Variants in EVL observed in about 807,000 individuals in gnomAD.
EVL encodes the protein ena/VASP-like protein.
Under a neutral mutation model 59.6 loss-of-function variants are expected in EVL, and 21 were observed. The ratio of observed to expected loss-of-function variants is 0.35; its 90% CI spans 0.25 to 0.51. The LOEUF (loss-of-function observed/expected upper bound fraction) is 0.51, where lower values mean the gene tolerates loss of function less well. EVL is among the 20% of genes least tolerant of loss of function. EVL has a pLI of 0.97. For missense variants in EVL, 462 were observed against 546.6 expected (o/e 0.85, Z 1.54); for synonymous variants, 198 against 203.5 (o/e 0.97, Z 0.23).
chr14:100,114,932 C>G lies in EVL; in HGVS notation c.359-8607C>G, dbSNP rs968848088. Among the ~76,000 whole-genome samples, 1 of 152,040 alleles carries G rather than the reference C, an allele frequency of 6.6e-6. No homozygotes were observed. The highest frequency in any genetic ancestry group is 2.4e-5 in the African/African-American group (1 of 41,404). ...TGGGAGGCCTGAGCTTCTGTTCCAG[C>G]AGCACCGTTCACTGGAGGCACATGA... On this transcript the variant is annotated intron_variant, in intron 3 of 13. Transcript: ENST00000392920. The surrounding 1 kb of genome is among the most constrained non-coding windows in gnomAD (Gnocchi z 5.0).
chr14:100,131,434 A>G (rs898495709), intron 7 of EVL, among the ~76,000 whole-genome samples: 5 of 152,234 alleles, frequency 3.3e-5, no homozygotes, highest in Non-Finnish European at 5.9e-5. Flanking sequence ...CGACGATGAA[A>G]GTGCCCTTGC....
intron 2 of EVL, among the ~76,000 whole-genome samples, chr14:100,087,571 G>A (rs183644386): frequency 3.1e-4 from 47 of 152,284 alleles, no homozygotes; most frequent in African/African-American, 1.1e-3. Context: ...CCGTGGTCGC[G>A]CCACTGCATT....
At chr14:100,009,851 C>CA (rs1210029243) in intron 1 of EVL, among the ~76,000 whole-genome samples, 1 of 152,158 alleles carries the variant, frequency 6.6e-6, no homozygotes. Context: ...CAACTCAAAG[C>CA]AGGGGCTTCC....
chr14:100,064,994 C>T (rs551857634), upstream of EVL, among the ~76,000 whole-genome samples: 20 of 152,296 alleles, frequency 1.3e-4, 1 homozygote, highest in Middle Eastern at 3.4e-3. Flanking sequence ...GGGACTCTTC[C>T]GAGTTCTTGT....
At chr14:100,049,861 G>T (rs1159721476) in intron 1 of EVL, among the ~76,000 whole-genome samples, 1 of 152,046 alleles carries the variant, frequency 6.6e-6, no homozygotes, top group East Asian at 1.9e-4. Flanking sequence ...CTATGGATTT[G>T]CCCCTTTTGG....
At chr14:99,979,930 G>T (rs577524211) in intron 1 of EVL, among the ~76,000 whole-genome samples, 1 of 152,142 alleles carries the variant, frequency 6.6e-6, no homozygotes. Flanking sequence ...TACTGAACAC[G>T]TACTGATATT....
rs1382892431 is a variant in EVL, at chr14:100,143,764, G to T, written c.*26G>T. On this transcript the variant is annotated 3_prime_UTR_variant, in exon 14 of 14. Transcript: ENST00000392920. ...GGGGCCGGCCTCGCTGCGCTGATTC[G>T]TCGAGCCCATCCGGCGACAGAGGAC... is the stretch of plus-strand genomic sequence containing the variant. 3 of 1,608,882 alleles carry T rather than the reference G, an allele frequency of 1.9e-6. No individual in the cohort carries two copies. The highest frequency in any genetic ancestry group is 1.7e-5 in the Admixed American group (1 of 59,786).
chr14:100,104,282 T>G (rs1886421574), intron 3 of EVL, among the ~76,000 whole-genome samples: 1 of 152,244 alleles, frequency 6.6e-6, no homozygotes, highest in African/African-American at 2.4e-5. Context: ...ATCTTCTTCC[T>G]CTCAGGCAGA....
intron 1 of EVL, among the ~76,000 whole-genome samples, chr14:100,009,503 ATTCT>A (rs1241894011): frequency 6.6e-6 from 1 of 152,184 alleles, no homozygotes; most frequent in Non-Finnish European, 1.5e-5. Flanking sequence ...GAATCCATTC[ATTCT>A]TTCTGTTTTT....
In EVL at chr14:100,026,502, G is replaced by T. The variant is rs553151742; in HGVS notation, c.5+54445G>T. The stretch of plus-strand genomic sequence containing the variant: ...GCCCAACCTTTCAGTCTTTCCTGTG[G>T]GCTCAGAGCTTGTCGTGGTGCCTGG... On this transcript the variant is annotated intron_variant, in intron 1 of 13. Coordinates refer to the EVL transcript ENST00000402714. Among the ~76,000 whole-genome samples, 24 of 152,110 alleles carry T rather than the reference G, an allele frequency of 1.6e-4. No individual in the cohort carries two copies. The South Asian group carries it at 4.8e-3, about 30-fold the overall frequency.
At chr14:100,049,101 A>C (rs2061604961) in intron 1 of EVL, among the ~76,000 whole-genome samples, 1 of 152,230 alleles carries the variant, frequency 6.6e-6, no homozygotes, top group African/African-American at 2.4e-5. Context: ...TCTGAGAAAC[A>C]AAAACTCCAG....
At chr14:100,029,938 G>C (rs1341782148) in intron 1 of EVL, among the ~76,000 whole-genome samples, 1 of 152,098 alleles carries the variant, frequency 6.6e-6, no homozygotes. Flanking sequence ...AGTAGTGATG[G>C]GAAATCCTAC....
intron 3 of EVL, among the ~76,000 whole-genome samples, chr14:100,115,044 A>G (rs1887244984): frequency 2.9e-5 from 2 of 69,416 alleles, no homozygotes; most frequent in African/African-American, 1.4e-4. Context: ...GAGATTAGTC[A>G]CAAAAAAAAA....
At chr14:100,140,230 C>G (rs1889081077) in intron 11 of EVL, 1 of 152,212 alleles carries the variant, frequency 6.6e-6, no homozygotes, top group South Asian at 2.1e-4. Context: ...GAGTGAGACC[C>G]TGTCTCAAAT....
At chr14:100,113,961 G>A (rs1470619996) in intron 3 of EVL, among the ~76,000 whole-genome samples, 2 of 152,164 alleles carry the variant, frequency 1.3e-5, no homozygotes, top group African/African-American at 2.4e-5. Context: ...GGAATGGCCT[G>A]GAAGACCAGT....
At position 100,053,694 on chromosome 14, in the gene EVL, A is replaced by G. The variant is rs78744665; in HGVS notation, c.6-30993A>G. Among the ~76,000 whole-genome samples, 1,055 of 152,306 alleles carry G rather than the reference A, an allele frequency of 6.9e-3. 10 individuals are homozygous for G. Among genetic ancestry groups the G allele is most frequent in the African/African-American group, 0.024 (1,011 of 41,570 alleles). Reference sequence around the variant, plus strand: ...CTGAATTGCACACTGTAAAACTGTGACTTTGTAACCACCATCTTTATCTAG... The same window carrying G: ...CTGAATTGCACACTGTAAAACTGTGGCTTTGTAACCACCATCTTTATCTAG... On this transcript the variant is annotated intron_variant, in intron 1 of 13. Coordinates refer to the EVL transcript ENST00000402714.
upstream of EVL, among the ~76,000 whole-genome samples, chr14:100,061,403 C>CAAAAAAAAAAA (rs56656380): frequency 1.0e-3 from 20 of 19,094 alleles, no homozygotes; most frequent in African/African-American, 1.3e-3. Context: ...GACCCTGTCT[C>CAAAAAAAAAAA]AAAAAAAAAA....
intron 1 of EVL, among the ~76,000 whole-genome samples, chr14:100,007,317 T>C (rs1456013802): frequency 6.6e-6 from 1 of 152,150 alleles, no homozygotes; most frequent in Non-Finnish European, 1.5e-5. Context: ...GAATTTCTGC[T>C]TAGGTTTTCC....
At chr14:100,060,342 A>G (rs1237354286) in intron 1 of EVL, among the ~76,000 whole-genome samples, 2 of 151,504 alleles carry the variant, frequency 1.3e-5, no homozygotes, top group Non-Finnish European at 2.9e-5. Flanking sequence ...GAGGCAGGAG[A>G]ATGGCGTGAA....
Sources: gnomAD v4.1 joint callset for allele counts (sites outside exome capture counted in the v4.1 genomes callset) on GRCh38, gnomAD v4.1.1 for gene constraint, Gnocchi (gnomAD v3.1) non-coding constraint, MANE v1.5 for transcripts, NCBI Gene and HGNC (gene_info 2026-07-23, HGNC 2026-07-21) for gene names.